Variants in KDM5A observed in about 807,000 individuals in gnomAD.
KDM5A encodes lysine-specific demethylase 5A.
KDM5A carries 42 observed loss-of-function variants against 193.5 expected under a neutral mutation model. The ratio of observed to expected loss-of-function variants is 0.22; its 90% CI spans 0.17 to 0.28. KDM5A has a LOEUF of 0.28. KDM5A is among the 10% of genes least tolerant of loss of function. The pLI is 1.00. For synonymous variants in KDM5A, 796 were observed against 718.1 expected, an observed-to-expected ratio of 1.11 and a Z score of -1.73; for missense variants, 1,692 against 2,055.1, an observed-to-expected ratio of 0.82 and a Z score of 3.42.
Position 283,610 on chromosome 12 carries a change from G to T in KDM5A, c.*1846C>A. 4.3e-6 allele frequency: 1 copy of T among 233,184 alleles called. No individual in the cohort carries two copies. Among genetic ancestry groups the T allele is most frequent in the East Asian group, 6.1e-5 (1 of 16,504 alleles). 14.4% of individuals were successfully genotyped at this position (233,184 alleles called of 1,614,324 possible). ...TACCCACTCAAACTGTAACTGGACA[G>T]TACATTTCACTTCTAGTTACTAGAA... On this transcript the variant is annotated 3_prime_UTR_variant, in exon 28 of 28. Transcript: ENST00000399788.
At chr12:322,895 CT>C (rs1357928161) in intron 16 of KDM5A, among the ~76,000 whole-genome samples, 186 bp downstream of exon 16, 1 of 152,088 alleles carries the variant, frequency 6.6e-6, no homozygotes, top group Non-Finnish European at 1.5e-5. Context: ...TTTATGTCAG[CT>C]TTTTCATTTC....
Position 323,163 on chromosome 12 carries a change from C to T in KDM5A, c.2194G>A (p.Val732Ile), listed in dbSNP as rs1943740375. ...LEDLPSLLYG[V>I]KVRAQSYDTW... The stretch of plus-strand genomic sequence containing the variant: ...TCATAGGACTGTGCCCTGACTTTTA[C>T]ACCATATAGCAGAGAAGGGAGGTCT... The change falls in exon 16 of 28, where the codon GTA becomes ATA. Residue 732 changes from valine (V) to isoleucine (I), a missense_variant. Transcript: ENST00000399788. 4 of 1,342,640 alleles carry T rather than the reference C, an allele frequency of 3.0e-6. No individual in the cohort carries two copies. The South Asian group carries it at 3.4e-5, about 11-fold the overall frequency. 83.2% of individuals were successfully genotyped at this position (1,342,640 alleles called of 1,614,324 possible).
Position 310,997 on chromosome 12 carries a change from A to G in KDM5A, c.3104T>C (p.Val1035Ala). 1 of 1,614,204 alleles carries G rather than the reference A, an allele frequency of 6.2e-7. No homozygotes were observed. Among genetic ancestry groups the G allele is most frequent in the Non-Finnish European group, 8.5e-7 (1 of 1,180,028 alleles). The stretch of plus-strand genomic sequence containing the variant: ...CACTTGCGGCAGTGCTTCAAGACGC[A>G]CAGGAATAGGGCGTCCTTTCGCAGA... ...SLSAKGRPIP[V>A]RLEALPQVES... The change falls in exon 21 of 28, where the codon GTG becomes GCG. Residue 1035 changes from valine to alanine, a missense_variant. By Grantham distance (64) the Val-to-Ala change is moderately conservative. Around this residue, in one of 11 missense-constraint regions of KDM5A, gnomAD observed 965 missense variants for 1,061.0 expected, o/e 0.91. Coordinates refer to ENST00000399788, the MANE Select transcript of KDM5A (RefSeq NM_001042603.3).
Position 380,803 on chromosome 12 carries a change from A to T in KDM5A, c.366+3228T>A, listed in dbSNP as rs560353030. Among the ~76,000 whole-genome samples, 20 of 151,278 alleles carry T rather than the reference A, an allele frequency of 1.3e-4. 1 individual carries two copies. Among genetic ancestry groups the T allele is most frequent in the Non-Finnish European group, 2.1e-4 (14 of 67,764 alleles). On this transcript the variant is annotated intron_variant, in intron 3 of 27. Transcript: ENST00000399788. ...TGATAAAATAATTTTTGAAAAAAAA[A>T]TTTTTTTTTCAGACACAGTTTCACT...
intron 24 of KDM5A, among the ~76,000 whole-genome samples, chr12:303,983 A>G (rs1364672234): frequency 1.3e-5 from 2 of 152,138 alleles, no homozygotes; most frequent in East Asian, 1.9e-4. Flanking sequence ...GATGAGGGGG[A>G]AAAATAAGTT....
chr12:375,173 T>TC (rs1396657922), intron 3 of KDM5A, among the ~76,000 whole-genome samples: 1 of 152,228 alleles, frequency 6.6e-6, no homozygotes, highest in African/African-American at 2.4e-5. Flanking sequence ...CAGAGTGTTT[T>TC]CCAGCTTGGT....
At chr12:347,853 G>A (rs1200491913) in intron 10 of KDM5A, among the ~76,000 whole-genome samples, 2 of 152,146 alleles carry the variant, frequency 1.3e-5, no homozygotes, top group Non-Finnish European at 2.9e-5. Flanking sequence ...ACAGGCATGG[G>A]CAAGGACTTC....
intron 22 of KDM5A, among the ~76,000 whole-genome samples, chr12:309,446 G>A (rs979761252): frequency 6.6e-6 from 1 of 152,206 alleles, no homozygotes; most frequent in African/African-American, 2.4e-5. Flanking sequence ...TGTAGTAAAA[G>A]TGGGTTCATT....
At chr12:298,765 C>T (rs1269571634) in intron 24 of KDM5A, among the ~76,000 whole-genome samples, 2 of 151,960 alleles carry the variant, frequency 1.3e-5, no homozygotes, top group South Asian at 2.1e-4. Context: ...GCTAAAGGAC[C>T]ATGTTCTAAC....
At chr12:386,662 C>T (rs569125952) in intron 1 of KDM5A, among the ~76,000 whole-genome samples, 1 of 152,112 alleles carries the variant, frequency 6.6e-6, no homozygotes, top group Non-Finnish European at 1.5e-5. Flanking sequence ...GCCCAGGCAA[C>T]AGAGCGAGAC....
At chr12:380,812 T>C (rs762882405) in intron 3 of KDM5A, among the ~76,000 whole-genome samples, 2 of 152,142 alleles carry the variant, frequency 1.3e-5, no homozygotes, top group African/African-American at 2.4e-5. Flanking sequence ...AATTTTTTTT[T>C]CAGACACAGT....
chr12:363,012 C>T lies in KDM5A; in HGVS notation c.623G>A (p.Gly208Asp), dbSNP rs372866054. The T allele has an allele frequency of 2.1e-4, 335 of 1,614,022 alleles. No homozygotes were observed. Among genetic ancestry groups the T allele is most frequent in the Non-Finnish European group, 2.8e-4 (325 of 1,180,026 alleles). The change falls in exon 5 of 28, where the codon GGC becomes GAC. Residue 208 changes from glycine to aspartate, a missense_variant. This residue lies in a region of KDM5A where 134 missense variants were observed against 124.2 expected (regional missense o/e 1.08). Coordinates refer to ENST00000399788, the MANE Select transcript of KDM5A (RefSeq NM_001042603.3). The part of the protein sequence containing the change: ...STDTQTSPEP[G>D]TRMNILPKRT... ...CTTCGGCAGAATGTTCATCCTTGTGCCTGGCTCTGGGGAAGTTTGGGTATC... is the reference window on the plus strand; with the variant it reads ...CTTCGGCAGAATGTTCATCCTTGTGTCTGGCTCTGGGGAAGTTTGGGTATC...
chr12:321,208 T>C, intron 17 of KDM5A, 99 bp from the exon 18 acceptor site: 3 of 831,406 alleles, frequency 3.6e-6, no homozygotes, highest in South Asian at 2.7e-5. Context: ...TAAGCAATCC[T>C]AGAATCCCAG....
At position 283,931 on chromosome 12, in the gene KDM5A, A is replaced by G. The variant is rs2137352259; in HGVS notation, c.*1525T>C. ...AGGAGGGAAGAGGACACAGCACCATAGTTTCAAACATTCACACACAAAAGA... is the reference window on the plus strand; with the variant it reads ...AGGAGGGAAGAGGACACAGCACCATGGTTTCAAACATTCACACACAAAAGA... On this transcript the variant is annotated 3_prime_UTR_variant, in exon 28 of 28. Coordinates refer to ENST00000399788, the MANE Select transcript of KDM5A (RefSeq NM_001042603.3). 4.3e-6 allele frequency: 1 copy of G among 233,576 alleles called. No individual in the cohort carries two copies. Among genetic ancestry groups the G allele is most frequent in the South Asian group, 1.8e-4 (1 of 5,534 alleles). 14.5% of individuals were successfully genotyped at this position (233,576 alleles called of 1,614,324 possible).
intron 3 of KDM5A, among the ~76,000 whole-genome samples, chr12:379,239 G>C (rs1042527813): frequency 6.6e-6 from 1 of 151,588 alleles, no homozygotes; most frequent in African/African-American, 2.4e-5. Context: ...TTAAAAAAGG[G>C]CACACCTAAC....
At chr12:293,235 A>G in intron 26 of KDM5A, 66 bp from the exon 27 acceptor site, 10 of 1,351,668 alleles carry the variant, frequency 7.4e-6, no homozygotes, top group Non-Finnish European at 1.0e-5. Context: ...TTACTCTCTT[A>G]TATGAGGTAC....
At chr12:364,731 G>A (rs1426837972) in intron 4 of KDM5A, among the ~76,000 whole-genome samples, 1 of 143,678 alleles carries the variant, frequency 7.0e-6, no homozygotes, top group Non-Finnish European at 1.5e-5. Flanking sequence ...CTTGCAGCAA[G>A]CCGAGATCGC....
chr12:362,306 GAAAC>G (rs1242985234), intron 5 of KDM5A, among the ~76,000 whole-genome samples: 11 of 151,706 alleles, frequency 7.3e-5, no homozygotes, highest in African/African-American at 2.2e-4. Flanking sequence ...AGAAAAGAAA[GAAAC>G]AAAAGGAAGA....
intron 7 of KDM5A, 58 bp from the exon 8 acceptor site, chr12:354,292 C>G (rs1944202899): frequency 2.4e-6 from 3 of 1,226,480 alleles, no homozygotes; most frequent in Admixed American, 4.0e-5. Flanking sequence ...AAATTTTTAC[C>G]AGGAACTCCT....
Sources: allele counts gnomAD v4.1 joint callset (sites outside exome capture counted in the v4.1 genomes callset), GRCh38; gene constraint gnomAD v4.1.1; regional missense constraint gnomAD v4.1.1; transcripts MANE v1.5; gene names NCBI Gene and HGNC (gene_info 2026-07-23, HGNC 2026-07-21).